Variants in MACROD2 observed in about 807,000 individuals in gnomAD.
MACROD2 encodes ADP-ribose glycohydrolase MACROD2.
MACROD2 carries 36 observed loss-of-function variants against 70.4 expected under a neutral mutation model. That is an observed-to-expected ratio of 0.51 (90% confidence interval 0.39 to 0.68). MACROD2 has a LOEUF of 0.68. MACROD2 is among the 30% of genes least tolerant of loss of function. The pLI is 0.00. For synonymous variants in MACROD2, 172 were observed against 178.8 expected (o/e 0.96, Z 0.30); for missense variants, 496 against 538.4 (o/e 0.92, Z 0.78).
rs77911931 is a variant in MACROD2 at position 14,801,688 on chromosome 20, T to C, written c.418+116729T>C. On this transcript the variant is annotated intron_variant, in intron 5 of 17. Transcript: ENST00000684519. ...CCTAGTCAACTGTGCAGACTGCTGC[T>C]ATATGGTGGTTACTGTTTTGGCTTC... 4.5e-3 allele frequency among the ~76,000 whole-genome samples: 685 copies of C among 152,200 alleles called. 7 individuals carry two copies. The highest frequency in any genetic ancestry group is 0.01 in the South Asian group (49 of 4,826).
chr20:14,491,588 C>T (rs1217649793), intron 3 of MACROD2, among the ~76,000 whole-genome samples: 1 of 152,148 alleles, frequency 6.6e-6, no homozygotes, highest in Admixed American at 6.5e-5. Context: ...ACTGGAATTC[C>T]AATTCTTACA....
intron 2 of MACROD2, among the ~76,000 whole-genome samples, chr20:14,058,646 CT>C (rs374361854): frequency 1.1e-3 from 142 of 133,140 alleles, no homozygotes; most frequent in South Asian, 2.4e-3. Flanking sequence ...TTCCTTTTAC[CT>C]TTTTTTTTTT....
intron 7 of MACROD2, among the ~76,000 whole-genome samples, chr20:15,464,582 C>T (rs1214798855): frequency 6.6e-6 from 1 of 152,122 alleles, no homozygotes; most frequent in Non-Finnish European, 1.5e-5. Context: ...GTTAACCATT[C>T]TTGGAATCTC....
At chr20:14,470,743 C>G (rs1042041523) in intron 3 of MACROD2, among the ~76,000 whole-genome samples, 4 of 152,168 alleles carry the variant, frequency 2.6e-5, no homozygotes, top group Non-Finnish European at 5.9e-5. Context: ...ACTGCCTACT[C>G]AAGCGTCAGT....
chr20:15,266,679 G>A (rs930502814), intron 6 of MACROD2, among the ~76,000 whole-genome samples: 1 of 152,174 alleles, frequency 6.6e-6, no homozygotes, highest in Non-Finnish European at 1.5e-5. Context: ...ACACACTTCA[G>A]TGAATCCCCA....
intron 8 of MACROD2, among the ~76,000 whole-genome samples, chr20:15,589,344 A>G (rs2048646764): frequency 6.6e-6 from 1 of 152,234 alleles, no homozygotes; most frequent in African/African-American, 2.4e-5. Context: ...AAATATCAAT[A>G]TAAATTTTAT....
intron 5 of MACROD2, among the ~76,000 whole-genome samples, chr20:14,936,031 G>A (rs1020517134): frequency 6.6e-6 from 1 of 152,150 alleles, no homozygotes; most frequent in Non-Finnish European, 1.5e-5. Flanking sequence ...TAAGGTACAA[G>A]ACAGCTGAGG....
chr20:16,039,262 T>A (rs953742321), intron 15 of MACROD2, among the ~76,000 whole-genome samples: 1 of 151,976 alleles, frequency 6.6e-6, no homozygotes. Context: ...TTAGGCAGAA[T>A]CCCTTTCTCA....
At chr20:14,419,566 C>T (rs994669549) in intron 3 of MACROD2, among the ~76,000 whole-genome samples, 23 of 152,212 alleles carry the variant, frequency 1.5e-4, no homozygotes, top group Admixed American at 5.2e-4. Flanking sequence ...CCCCTCCTCC[C>T]GCTCTAGCTG....
intron 10 of MACROD2, among the ~76,000 whole-genome samples, chr20:15,888,310 C>T (rs754890342): frequency 2.3e-4 from 35 of 152,134 alleles, no homozygotes; most frequent in Non-Finnish European, 1.3e-4. Flanking sequence ...GAAATTGTCA[C>T]TCTGTCTTGA....
At chr20:15,284,575 C>T (rs2077475033) in intron 6 of MACROD2, among the ~76,000 whole-genome samples, 1 of 151,974 alleles carries the variant, frequency 6.6e-6, no homozygotes, top group African/African-American at 2.4e-5. Context: ...CATCTTTTCC[C>T]CTGTGTATTT....
At chr20:14,070,417 A>G (rs1293805432) in intron 2 of MACROD2, among the ~76,000 whole-genome samples, 3 of 152,168 alleles carry the variant, frequency 2.0e-5, no homozygotes, top group African/African-American at 7.2e-5. Context: ...ATGATCTCAG[A>G]AACAGCTTGA....
At chr20:14,756,274 CCTT>C (rs1288709560) in intron 5 of MACROD2, among the ~76,000 whole-genome samples, 3 of 151,982 alleles carry the variant, frequency 2.0e-5, no homozygotes, top group Non-Finnish European at 2.9e-5. Context: ...GTATGTTACT[CCTT>C]CTTCTGGTCT....
intron 5 of MACROD2, among the ~76,000 whole-genome samples, chr20:15,112,972 GTGTGTGTGTT>G (rs777423549): frequency 1.3e-5 from 2 of 151,942 alleles, no homozygotes; most frequent in African/African-American, 4.8e-5. Context: ...GTGTGTGTGT[GTGTGTGTGTT>G]TGTGTGTGTA....
At chr20:14,771,654 C>T (rs2072167468) in intron 5 of MACROD2, among the ~76,000 whole-genome samples, 1 of 137,158 alleles carries the variant, frequency 7.3e-6, no homozygotes, top group Non-Finnish European at 1.6e-5. Flanking sequence ...TACACACACA[C>T]ACACACACAC....
At chr20:15,347,500 G>A (rs1173780095) in intron 6 of MACROD2, among the ~76,000 whole-genome samples, 1 of 152,084 alleles carries the variant, frequency 6.6e-6, no homozygotes, top group East Asian at 1.9e-4. Context: ...TTGGGAAAAT[G>A]TAAATCAAAC....
At chr20:15,340,691 T>A (rs2078101721) in intron 6 of MACROD2, among the ~76,000 whole-genome samples, 1 of 152,170 alleles carries the variant, frequency 6.6e-6, no homozygotes, top group South Asian at 2.1e-4. Context: ...ACCCTTCCGA[T>A]GCAGTGCCTT....
At chr20:14,291,070 A>G (rs1451144672) in intron 3 of MACROD2, among the ~76,000 whole-genome samples, 1 of 152,260 alleles carries the variant, frequency 6.6e-6, no homozygotes, top group Non-Finnish European at 1.5e-5. Flanking sequence ...CTGTGGAATC[A>G]TTTATTTGTA....
rs190923471 is a variant in MACROD2 at position 15,221,016 on chromosome 20, C to T, written c.419-8924C>T. On this transcript the variant is annotated intron_variant, in intron 5 of 17. Transcript: ENST00000684519. ...CGACAAGCACATGCAACCTCAGCAT[C>T]AGCCTGCGTGTCCCGACATTGACCC... Among the ~76,000 whole-genome samples, 227 of 152,324 alleles carry T rather than the reference C, an allele frequency of 1.5e-3. 1 individual carries two copies. The highest frequency in any genetic ancestry group is 4.9e-3 in the African/African-American group (204 of 41,574).
Sources: allele counts gnomAD v4.1 joint callset (sites outside exome capture counted in the v4.1 genomes callset), GRCh38; gene constraint gnomAD v4.1.1; transcripts MANE v1.5; gene names NCBI Gene and HGNC (gene_info 2026-07-23, HGNC 2026-07-21).